The following PTPRM variants were observed in gnomAD, a reference collection of about 807,000 sequenced individuals.
PTPRM encodes receptor-type tyrosine-protein phosphatase mu.
In PTPRM, 47 loss-of-function variants were observed where a neutral mutation model predicts 186.7. That is an observed-to-expected ratio of 0.25 (90% CI 0.20 to 0.32). PTPRM has a LOEUF of 0.32. Among genes scored for constraint, PTPRM ranks in the 10% least tolerant of loss-of-function variants. The pLI, the probability that PTPRM is intolerant of heterozygous loss-of-function variation, is 1.00. For missense variants in PTPRM, 1,494 were observed against 1,865.0 expected (o/e 0.80, Z 3.66); for synonymous variants, 668 against 674.9 (o/e 0.99, Z 0.16).
chr18:8,023,863 C>T (rs1447320119), intron 7 of PTPRM, among the ~76,000 whole-genome samples: 1 of 142,618 alleles, frequency 7.0e-6, no homozygotes, highest in Non-Finnish European at 1.5e-5. Flanking sequence ...CACACACACA[C>T]ACACACACGC....
At chr18:8,211,267 G>A (rs1233535718) in intron 14 of PTPRM, among the ~76,000 whole-genome samples, 1 of 151,918 alleles carries the variant, frequency 6.6e-6, no homozygotes, top group East Asian at 1.9e-4. Flanking sequence ...GGGGTGAAAT[G>A]TGGGGCATGG....
chr18:8,299,985 A>T (rs1372057022), intron 20 of PTPRM, among the ~76,000 whole-genome samples: 1 of 152,142 alleles, frequency 6.6e-6, no homozygotes, highest in Non-Finnish European at 1.5e-5. Flanking sequence ...TGAACTTGGG[A>T]TCAATTTTTT....
At chr18:7,652,477 A>G (rs1439038729) in intron 1 of PTPRM, among the ~76,000 whole-genome samples, 4 of 152,134 alleles carry the variant, frequency 2.6e-5, no homozygotes, top group Admixed American at 6.5e-5. Flanking sequence ...GGCACTATTC[A>G]CAAAAGCAAA....
chr18:7,877,796 T>C (rs2048318685), intron 2 of PTPRM, among the ~76,000 whole-genome samples: 1 of 152,180 alleles, frequency 6.6e-6, no homozygotes, highest in South Asian at 2.1e-4. Flanking sequence ...GTCCAATTCT[T>C]TCACAGTAGG....
Position 7,965,967 on chromosome 18 carries a change from GAAGT to G in PTPRM, c.1132+10557_1132+10560del, listed in dbSNP as rs1445926873. ...GCTTGTGCTTTTAAAAGCTAAATAA[GAAGT>G]AAGATAAATGAGAGCTAAAACTTGT... On this transcript the variant is annotated intron_variant, in intron 7 of 32. Coordinates refer to ENST00000580170, the MANE Select transcript of PTPRM (RefSeq NM_001105244.2). Among the ~76,000 whole-genome samples, 5 of 152,250 alleles carry G rather than the reference GAAGT, an allele frequency of 3.3e-5. No individual in the cohort carries two copies. The East Asian group carries it at 9.7e-4, about 29-fold the overall frequency.
In PTPRM at chr18:7,705,664, G is replaced by A. The variant is rs1016245059; in HGVS notation, c.74-68485G>A. Among the ~76,000 whole-genome samples the A allele has an allele frequency of 3.3e-5, 5 of 151,314 alleles. No homozygotes were observed. In the East Asian group the frequency reaches 9.8e-4, roughly 30 times the overall value. On this transcript the variant is annotated intron_variant, in intron 1 of 32. Coordinates refer to ENST00000580170, the MANE Select transcript of PTPRM (RefSeq NM_001105244.2). ...TCATAGTTTTTTTGTTGATTTTAAG[G>A]ATTAAGATGAATTTCTTTCTTTCTC... is the stretch of plus-strand genomic sequence containing the variant.
In PTPRM at chr18:7,712,641, C is replaced by A. The variant is rs139661157; in HGVS notation, c.74-61508C>A. Among the ~76,000 whole-genome samples, 449 of 151,914 alleles carry A rather than the reference C, an allele frequency of 3.0e-3. 1 individual carries two copies. The highest frequency in any genetic ancestry group is 0.017 in the Middle Eastern group (5 of 294). On this transcript the variant is annotated intron_variant, in intron 1 of 32. Transcript: ENST00000580170. ...TCTTGAAAAAAGGTTAGAGGAATTG[C>A]TAAGTGGAATAACCAGTTTAGAGAA...
At chr18:8,250,699 G>A (rs1387058215) in intron 17 of PTPRM, among the ~76,000 whole-genome samples, 3 of 151,746 alleles carry the variant, frequency 2.0e-5, no homozygotes, top group African/African-American at 7.3e-5. Context: ...TGAGGCAGGA[G>A]GATTGCTGGA....
chr18:7,794,438 G>C (rs1328097821), intron 2 of PTPRM, among the ~76,000 whole-genome samples: 2 of 152,086 alleles, frequency 1.3e-5, no homozygotes, highest in Non-Finnish European at 2.9e-5. Context: ...CCCTGGGAGG[G>C]GGACAAGGGA....
intron 5 of PTPRM, among the ~76,000 whole-genome samples, chr18:7,942,534 G>A (rs1252170280): frequency 1.3e-5 from 2 of 151,930 alleles, no homozygotes; most frequent in Non-Finnish European, 2.9e-5. Flanking sequence ...CCACATGAAG[G>A]CCTTTAGGGG....
intron 7 of PTPRM, chr18:8,017,691 G>A (rs1222947556): frequency 6.6e-6 from 1 of 151,990 alleles, no homozygotes; most frequent in East Asian, 1.9e-4. Context: ...TTTGGAGTGA[G>A]GAAAACAAGT....
chr18:8,256,231 C>T (rs1443637769), intron 19 of PTPRM, among the ~76,000 whole-genome samples: 2 of 152,124 alleles, frequency 1.3e-5, no homozygotes, highest in African/African-American at 4.8e-5. Context: ...CCATCCCACC[C>T]AACAGATACT....
chr18:8,240,842 G>A (rs528815362), intron 14 of PTPRM, among the ~76,000 whole-genome samples: 14 of 120,296 alleles, frequency 1.2e-4, no homozygotes, highest in South Asian at 2.9e-4. Flanking sequence ...AAGAAAGAAA[G>A]AAAAGAAAGA....
At chr18:7,904,763 CTG>C (rs1278252146) in intron 3 of PTPRM, among the ~76,000 whole-genome samples, 1 of 152,090 alleles carries the variant, frequency 6.6e-6, no homozygotes, top group East Asian at 1.9e-4. Flanking sequence ...GTTTACATTT[CTG>C]TGGGATGAAT....
chr18:7,684,776 T>G (rs898410115), intron 1 of PTPRM, among the ~76,000 whole-genome samples: 2 of 152,218 alleles, frequency 1.3e-5, no homozygotes, highest in Admixed American at 1.3e-4. Context: ...TTCTACATCC[T>G]GGTTGTTGTT....
intron 1 of PTPRM, among the ~76,000 whole-genome samples, chr18:7,605,613 T>C (rs779440400): frequency 6.6e-6 from 1 of 152,228 alleles, no homozygotes; most frequent in African/African-American, 2.4e-5. Flanking sequence ...TAAGGATTAT[T>C]TCCTTGGTTA....
intron 7 of PTPRM, among the ~76,000 whole-genome samples, chr18:8,023,429 T>C (rs762951994): frequency 2.0e-5 from 3 of 152,164 alleles, no homozygotes; most frequent in Non-Finnish European, 2.9e-5. Flanking sequence ...AAAGACCATA[T>C]TGGTCATCTT....
intron 2 of PTPRM, among the ~76,000 whole-genome samples, chr18:7,875,726 T>C (rs1213377959): frequency 6.6e-6 from 1 of 152,210 alleles, no homozygotes; most frequent in Non-Finnish European, 1.5e-5. Context: ...TTCCTTTCTC[T>C]CTATCCCGGT....
At chr18:7,777,971 A>G (rs2042672874) in intron 2 of PTPRM, among the ~76,000 whole-genome samples, 1 of 152,212 alleles carries the variant, frequency 6.6e-6, no homozygotes, top group African/African-American at 2.4e-5. Context: ...CAACGTGGGA[A>G]GACCCCATCT....
Sources: allele counts gnomAD v4.1 joint callset (sites outside exome capture counted in the v4.1 genomes callset), GRCh38; gene constraint gnomAD v4.1.1; transcripts MANE v1.5; gene names NCBI Gene and HGNC (gene_info 2026-07-23, HGNC 2026-07-21).